Variants in SPATA6 observed in about 807,000 individuals in gnomAD.
The protein encoded by SPATA6 is spermatogenesis-associated protein 6.
A neutral mutation model predicts 65.3 loss-of-function variants in SPATA6; 56 were observed. The ratio of observed to expected loss-of-function variants is 0.86; its 90% CI spans 0.69 to 1.07. The LOEUF is 1.07. Ranked by LOEUF, SPATA6 falls within the 50% of genes least tolerant of loss-of-function variation. The pLI is 0.00. For missense variants in SPATA6, 590 were observed against 594.8 expected (o/e 0.99, Z 0.08); for synonymous variants, 199 against 213.2 (o/e 0.93, Z 0.58).
chr1:48,428,534 C>T (rs774109034), intron 3 of SPATA6, among the ~76,000 whole-genome samples: 76 of 152,014 alleles, frequency 5.0e-4, no homozygotes, highest in Non-Finnish European at 1.0e-3. Context: ...TAGGGAAAAA[C>T]ATTAATAAGA....
At chr1:48,371,270 TATAGATAG>T (rs59198017) in intron 9 of SPATA6, among the ~76,000 whole-genome samples, 5,805 of 131,678 alleles carry the variant, frequency 0.044, 135 homozygotes, top group African/African-American at 0.054. Context: ...TATGTATCTA[TATAGATAG>T]ATAGATAGAT....
intron 10 of SPATA6, among the ~76,000 whole-genome samples, chr1:48,357,855 G>C (rs1314465725): frequency 6.6e-6 from 1 of 152,064 alleles, no homozygotes; most frequent in African/African-American, 2.4e-5. Context: ...AGTAAAAAAA[G>C]CTTATCTACC....
intron 5 of SPATA6, among the ~76,000 whole-genome samples, chr1:48,405,562 G>T (rs1651623176): frequency 6.6e-6 from 1 of 152,128 alleles, no homozygotes; most frequent in East Asian, 1.9e-4. Context: ...TTCCTTTCTA[G>T]CTTTTGGCAA....
intron 3 of SPATA6, among the ~76,000 whole-genome samples, chr1:48,448,480 G>C (rs1455094155): frequency 6.9e-6 from 1 of 144,130 alleles, no homozygotes; most frequent in Non-Finnish European, 1.5e-5. Flanking sequence ...AGTTTATTCA[G>C]TGTCCCCACA....
chr1:48,365,563 G>T lies in SPATA6; in HGVS notation c.910-5793C>A, dbSNP rs368339558. ...GGTATTTTATTCTCTTTGAAGCAAT[G>T]GTGAATGGGAGTTCACTCATGATTT... On this transcript the variant is annotated intron_variant, in intron 9 of 12. Coordinates refer to ENST00000371847, the MANE Select transcript of SPATA6 (RefSeq NM_019073.4). Among the ~76,000 whole-genome samples the T allele has an allele frequency of 8.0e-5, 12 of 150,046 alleles. No homozygotes were observed. In the South Asian group the frequency reaches 1.1e-3, roughly 13 times the overall value.
At chr1:48,436,146 C>A in intron 3 of SPATA6, 1 of 1,610,196 alleles carries the variant, frequency 6.2e-7, no homozygotes, top group African/African-American at 1.3e-5. Context: ...ACTACGAGCT[C>A]CAAGTAGAAA....
At chr1:48,463,172 C>A (rs892991759) in intron 1 of SPATA6, among the ~76,000 whole-genome samples, 1 of 152,090 alleles carries the variant, frequency 6.6e-6, no homozygotes, top group African/African-American at 2.4e-5. Flanking sequence ...CATGGGACTG[C>A]AAAGCCGTCA....
the SPATA6 span, among the ~76,000 whole-genome samples, chr1:48,289,122 G>T: frequency 6.6e-6 from 1 of 152,174 alleles, no homozygotes; most frequent in Non-Finnish European, 1.5e-5. Context: ...ACCTCATATG[G>T]CCAGGTGTCC....
At chr1:48,375,815 A>G (rs1237945641) in intron 9 of SPATA6, among the ~76,000 whole-genome samples, 1 of 152,164 alleles carries the variant, frequency 6.6e-6, no homozygotes, top group Non-Finnish European at 1.5e-5. Flanking sequence ...AAACAGCATG[A>G]TTTCACCAAG....
intron 11 of SPATA6, among the ~76,000 whole-genome samples, chr1:48,312,829 A>G (rs1185534858): frequency 6.6e-6 from 1 of 152,150 alleles, no homozygotes; most frequent in East Asian, 1.9e-4. Context: ...TAACTACAAT[A>G]ACCAATGCAG....
chr1:48,269,240 C>A, the SPATA6 span, among the ~76,000 whole-genome samples: 3 of 152,158 alleles, frequency 2.0e-5, no homozygotes. Flanking sequence ...ACTATCTCTA[C>A]TGACTTTGAA....
At chr1:48,361,938 C>A (rs1449121604) in intron 9 of SPATA6, among the ~76,000 whole-genome samples, 5 of 152,088 alleles carry the variant, frequency 3.3e-5, no homozygotes, top group Non-Finnish European at 7.4e-5. Flanking sequence ...TCAAATGACA[C>A]AGTTACAGTC....
At chr1:48,331,663 C>T (rs1645919319) in intron 11 of SPATA6, among the ~76,000 whole-genome samples, 1 of 152,214 alleles carries the variant, frequency 6.6e-6, no homozygotes, top group Non-Finnish European at 1.5e-5. Flanking sequence ...ACAGTATCGT[C>T]CATGAGAACT....
At chr1:48,278,384 G>A in the SPATA6 span, among the ~76,000 whole-genome samples, 1,309 of 152,284 alleles carry the variant, frequency 8.6e-3, 22 homozygotes, top group African/African-American at 0.03. Flanking sequence ...AAACTACTCC[G>A]AGCTACAGGA....
intron 1 of SPATA6, among the ~76,000 whole-genome samples, chr1:48,461,955 C>G (rs1221262925): frequency 6.6e-6 from 1 of 152,180 alleles, no homozygotes; most frequent in Non-Finnish European, 1.5e-5. Flanking sequence ...AAATGTCCAA[C>G]AGTGACAGAC....
At chr1:48,460,860 T>C (rs1329454719) in intron 1 of SPATA6, among the ~76,000 whole-genome samples, 1 of 151,896 alleles carries the variant, frequency 6.6e-6, no homozygotes, top group East Asian at 1.9e-4. Context: ...TAAGTACAAA[T>C]TTAATATTGA....
intron 10 of SPATA6, among the ~76,000 whole-genome samples, chr1:48,358,182 A>C (rs958734142): frequency 3.9e-5 from 6 of 152,132 alleles, no homozygotes; most frequent in Non-Finnish European, 7.4e-5. Context: ...TCAATGACAA[A>C]TTGATCAATC....
chr1:48,265,808 C>T, the SPATA6 span, among the ~76,000 whole-genome samples: 5 of 152,224 alleles, frequency 3.3e-5, no homozygotes, highest in South Asian at 8.3e-4. Context: ...GAACCACTGA[C>T]CTTGAACATA....
chr1:48,361,207 G>T (rs1231348159), intron 9 of SPATA6, among the ~76,000 whole-genome samples: 2 of 151,958 alleles, frequency 1.3e-5, no homozygotes, highest in Non-Finnish European at 2.9e-5. Context: ...ATTAGCCCTG[G>T]GAATACTCCA....
Sources: allele counts gnomAD v4.1 joint callset (sites outside exome capture counted in the v4.1 genomes callset), GRCh38; gene constraint gnomAD v4.1.1; transcripts MANE v1.5; gene names NCBI Gene and HGNC (gene_info 2026-07-23, HGNC 2026-07-21).